The following CYRIA variants were observed in gnomAD, a reference collection of about 807,000 sequenced individuals.
CYRIA encodes the protein CYFIP-related Rac1 interactor A.
Under a neutral mutation model 43.9 loss-of-function variants are expected in CYRIA, and 15 were observed. That is an observed-to-expected ratio of 0.34 (90% CI 0.23 to 0.53). The LOEUF (loss-of-function observed/expected upper bound fraction) is 0.53, where lower values mean the gene tolerates loss of function less well. Among genes scored for constraint, CYRIA ranks in the 20% least tolerant of loss-of-function variants. The probability of loss-of-function intolerance (pLI) is 0.94; values close to 1 mark genes in which losing one functional copy is unlikely to be tolerated. For synonymous variants in CYRIA, 117 were observed against 136.0 expected, an observed-to-expected ratio of 0.86 and a Z score of 0.97; for missense variants, 236 against 394.2, an observed-to-expected ratio of 0.60 and a Z score of 3.40.
intron 2 of CYRIA, among the ~76,000 whole-genome samples, chr2:16,615,472 C>T (rs11888794): frequency 0.3 from 45,727 of 152,078 alleles, 7,907 homozygotes; most frequent in African/African-American, 0.48. Context: ...TGAGCCCCCA[C>T]TGCAGGCTGG....
rs145408106 is a variant in CYRIA at position 16,585,428 on chromosome 2, C to A, written c.70+2622G>T. Among the ~76,000 whole-genome samples the A allele has an allele frequency of 6.0e-3, 920 of 152,168 alleles. 7 individuals carry two copies. Among genetic ancestry groups the A allele is most frequent in the African/African-American group, 0.021 (889 of 41,520 alleles). ...TAGTCATTTCCTGTGTGACTTCACC[C>A]TAGTTATTTATCTTCTCAAAATTTC... On this transcript the variant is annotated intron_variant, in intron 3 of 11. Coordinates refer to ENST00000381323, the MANE Select transcript of CYRIA (RefSeq NM_030797.4).
At chr2:16,585,250 C>T (rs988611381) in intron 3 of CYRIA, among the ~76,000 whole-genome samples, 1 of 152,076 alleles carries the variant, frequency 6.6e-6, no homozygotes, top group Non-Finnish European at 1.5e-5. Context: ...CATGGAATGT[C>T]TTAGTTTGCA....
intron 5 of CYRIA, 96 bp downstream of exon 5, chr2:16,563,893 G>A (rs1042894262): frequency 1.3e-6 from 1 of 789,928 alleles, no homozygotes; most frequent in Non-Finnish European, 2.0e-6. Flanking sequence ...ATGGATGTGG[G>A]ACATTTTCCA....
rs1485484244 is a variant in CYRIA, at chr2:16,631,194, G to A, written c.-166-7175C>T. 2.0e-5 allele frequency among the ~76,000 whole-genome samples: 3 copies of A among 152,228 alleles called. No homozygotes were observed. The South Asian group carries it at 6.2e-4, about 32-fold the overall frequency. ...CAAATGAGCTATTATATTTGTGTTC[G>A]TGTTTTATCTCCACCATTGAGTGGA... On this transcript the variant is annotated intron_variant, in intron 1 of 11. Transcript: ENST00000381323.
At chr2:16,653,435 A>C (rs1011610555) in intron 1 of CYRIA, among the ~76,000 whole-genome samples, 7 of 152,194 alleles carry the variant, frequency 4.6e-5, no homozygotes, top group African/African-American at 1.2e-4. Context: ...AACCCTATTT[A>C]AAATAGCAAC....
intron 1 of CYRIA, among the ~76,000 whole-genome samples, chr2:16,654,365 C>T (rs1670048371): frequency 6.6e-6 from 1 of 152,136 alleles, no homozygotes; most frequent in African/African-American, 2.4e-5. Flanking sequence ...ATACTATTTG[C>T]ATGAAATTTA....
chr2:16,559,927 A>G (rs1666668950), intron 9 of CYRIA, among the ~76,000 whole-genome samples: 1 of 152,178 alleles, frequency 6.6e-6, no homozygotes. Flanking sequence ...ATAGAGAGTA[A>G]TGGCTTCATT....
intron 2 of CYRIA, among the ~76,000 whole-genome samples, chr2:16,613,958 T>A (rs1668692758): frequency 6.6e-6 from 1 of 152,192 alleles, no homozygotes; most frequent in African/African-American, 2.4e-5. Context: ...GCTTAGTAAT[T>A]ATCCTCTCCA....
intron 3 of CYRIA, among the ~76,000 whole-genome samples, chr2:16,580,046 C>T (rs888572625): frequency 2.0e-5 from 3 of 151,926 alleles, no homozygotes; most frequent in Admixed American, 2.0e-4. Context: ...CTCCTGGCCT[C>T]GAGCAATCCT....
At chr2:16,568,324 T>C (rs903876929) in intron 3 of CYRIA, among the ~76,000 whole-genome samples, 3 of 152,020 alleles carry the variant, frequency 2.0e-5, no homozygotes, top group African/African-American at 7.2e-5. Flanking sequence ...TCAGGTTTTA[T>C]GGCCTATCAG....
At chr2:16,583,372 C>A (rs763202065) in intron 3 of CYRIA, among the ~76,000 whole-genome samples, 1 of 152,134 alleles carries the variant, frequency 6.6e-6, no homozygotes, top group Non-Finnish European at 1.5e-5. Flanking sequence ...AACTATGTAT[C>A]CTCACCTGGA....
At chr2:16,633,142 T>A (rs1414996580) in intron 1 of CYRIA, among the ~76,000 whole-genome samples, 1 of 152,210 alleles carries the variant, frequency 6.6e-6, no homozygotes, top group African/African-American at 2.4e-5. Context: ...ATTAGAGCCA[T>A]CCTTTATGTT....
At chr2:16,643,980 C>T (rs907310966) in intron 1 of CYRIA, among the ~76,000 whole-genome samples, 2 of 152,200 alleles carry the variant, frequency 1.3e-5, no homozygotes, top group Non-Finnish European at 2.9e-5. Context: ...GCTCATCTAC[C>T]TGCAGGCCTC....
intron 10 of CYRIA, among the ~76,000 whole-genome samples, chr2:16,557,332 C>G (rs1231948905): frequency 2.0e-5 from 3 of 152,070 alleles, no homozygotes; most frequent in Non-Finnish European, 4.4e-5. Context: ...TCTCCCTCCC[C>G]CTAGGTTTCC....
intron 2 of CYRIA, among the ~76,000 whole-genome samples, chr2:16,616,689 G>C (rs1379357464): frequency 1.1e-4 from 17 of 152,252 alleles, no homozygotes; most frequent in Admixed American, 1.1e-3. Flanking sequence ...TTGTATGGCA[G>C]ACACTTGCTT....
intron 1 of CYRIA, among the ~76,000 whole-genome samples, chr2:16,629,192 G>A (rs1047073361): frequency 3.3e-5 from 5 of 152,170 alleles, no homozygotes; most frequent in Admixed American, 6.5e-5. Context: ...GTCCTCAGGG[G>A]ACAGGCGCAT....
At chr2:16,664,344 C>T (rs570255821) in intron 1 of CYRIA, among the ~76,000 whole-genome samples, 3 of 152,182 alleles carry the variant, frequency 2.0e-5, no homozygotes, top group Admixed American at 6.5e-5. Context: ...CTGTTTATTT[C>T]AGAGCAAGTA....
chr2:16,572,717 T>C (rs1040261701), intron 3 of CYRIA, among the ~76,000 whole-genome samples: 6 of 152,210 alleles, frequency 3.9e-5, no homozygotes, highest in African/African-American at 4.8e-5. Context: ...ATTTCTTTCT[T>C]TACACCCCAG....
rs1186029778 is a variant in CYRIA at position 16,650,310 on chromosome 2, A to G, written c.-167+15470T>C. Among the ~76,000 whole-genome samples, 1 of 152,214 alleles carries G rather than the reference A, an allele frequency of 6.6e-6. No individual in the cohort carries two copies. The highest frequency in any genetic ancestry group is 1.5e-5 in the Non-Finnish European group (1 of 68,038). On this transcript the variant is annotated intron_variant, in intron 1 of 11. Coordinates refer to ENST00000381323, the MANE Select transcript of CYRIA (RefSeq NM_030797.4). This position sits in a 1 kb window ranked among gnomAD's most constrained non-coding sequence, Gnocchi z 4.1. ...CCTAAGACGTAAGAGTGGTTAAGCA[A>G]TGGCCCAGAAATCAACCAAAAAGAG...
Sources: allele counts gnomAD v4.1 joint callset (sites outside exome capture counted in the v4.1 genomes callset), GRCh38; gene constraint gnomAD v4.1.1; non-coding constraint Gnocchi (gnomAD v3.1); transcripts MANE v1.5; gene names NCBI Gene and HGNC (gene_info 2026-07-23, HGNC 2026-07-21).